The following CSMD3 variants were observed in gnomAD, a reference collection of about 807,000 sequenced individuals.
CSMD3 encodes the protein CUB and Sushi multiple domains 3.
In CSMD3, 177 loss-of-function variants were observed where a neutral mutation model predicts 435.2. The ratio of observed to expected loss-of-function variants is 0.41; its 90% CI spans 0.36 to 0.46. CSMD3 has a LOEUF of 0.46. CSMD3 is among the 20% of genes least tolerant of loss of function. The probability of loss-of-function intolerance (pLI) is 0.34; values close to 1 mark genes in which losing one functional copy is unlikely to be tolerated. For missense variants in CSMD3, 4,265 were observed against 4,504.6 expected (o/e 0.95, Z 1.52); for synonymous variants, 1,656 against 1,520.5 (o/e 1.09, Z -2.07).
chr8:112,239,341 G>A (rs138274925), intron 66 of CSMD3, among the ~76,000 whole-genome samples: 3 of 152,118 alleles, frequency 2.0e-5, no homozygotes, highest in Admixed American at 2.0e-4. Context: ...TTACTACAAT[G>A]TTGAATTTGA....
intron 1 of CSMD3, among the ~76,000 whole-genome samples, chr8:113,359,492 A>T (rs922775959): frequency 6.6e-6 from 1 of 152,204 alleles, no homozygotes; most frequent in African/African-American, 2.4e-5. Context: ...CTAAGATGGA[A>T]TGGGAAATGG....
intron 58 of CSMD3, among the ~76,000 whole-genome samples, chr8:112,283,851 A>AAC (rs1454537859): frequency 5.3e-5 from 8 of 151,846 alleles, no homozygotes; most frequent in African/African-American, 1.9e-4. Flanking sequence ...GACTGTAATT[A>AAC]ACAACAGTGT....
At chr8:112,818,517 A>G (rs917250238) in intron 12 of CSMD3, among the ~76,000 whole-genome samples, 7 of 152,230 alleles carry the variant, frequency 4.6e-5, no homozygotes, top group Non-Finnish European at 1.0e-4. Flanking sequence ...ATTGCTGAAT[A>G]AAATGTCTAA....
At position 112,301,915 on chromosome 8, in the gene CSMD3, G is replaced by A. The variant is rs757427870; in HGVS notation, c.8318C>T (p.Thr2773Ile). The A allele has an allele frequency of 6.2e-7, 1 of 1,612,556 alleles. No individual in the cohort carries two copies. Among genetic ancestry groups the A allele is most frequent in the Non-Finnish European group, 8.5e-7 (1 of 1,178,658 alleles). ...PTPPNGNKIGTQTSYGSTAIF... is the reference protein window; with the variant it reads ...PTPPNGNKIGIQTSYGSTAIF... ...AGCTGTTGAGCCATATGAAGTTTGAGTTCCAATCTTATTTCCATTTGGAGG... is the reference window on the plus strand; with the variant it reads ...AGCTGTTGAGCCATATGAAGTTTGAATTCCAATCTTATTTCCATTTGGAGG... Residue 2773 changes from threonine (T) to isoleucine (I), a missense_variant, in exon 53 of 71, where the codon ACT becomes ATT. Thr to Ile is a moderately conservative substitution (Grantham distance 89). Coordinates refer to ENST00000297405, the MANE Select transcript of CSMD3 (RefSeq NM_198123.2).
At chr8:112,561,454 AGT>A (rs1461745657) in intron 24 of CSMD3, among the ~76,000 whole-genome samples, 4 of 151,626 alleles carry the variant, frequency 2.6e-5, no homozygotes, top group African/African-American at 9.7e-5. Flanking sequence ...TATATTTGTA[AGT>A]TATTTGAAAT....
At chr8:112,982,750 TGAGGA>T (rs1564176400) in intron 6 of CSMD3, among the ~76,000 whole-genome samples, 1 of 151,996 alleles carries the variant, frequency 6.6e-6, no homozygotes, top group Non-Finnish European at 1.5e-5. Context: ...GATATATATG[TGAGGA>T]GAGAATAAAT....
intron 22 of CSMD3, among the ~76,000 whole-genome samples, chr8:112,612,709 C>CTTTTTTTTTTTTT (rs532290154): frequency 1.2e-4 from 8 of 65,888 alleles, no homozygotes; most frequent in Admixed American, 2.3e-4. Flanking sequence ...TTTCTTTGTT[C>CTTTTTTTTTTTTT]TTTTTTTTTT....
At chr8:113,187,040 G>A (rs2092514097) in intron 3 of CSMD3, among the ~76,000 whole-genome samples, 1 of 151,890 alleles carries the variant, frequency 6.6e-6, no homozygotes, top group Non-Finnish European at 1.5e-5. Flanking sequence ...TGTTTAGGGG[G>A]ATATCAGTTA....
At chr8:112,434,823 C>T (rs1814138161) in intron 32 of CSMD3, among the ~76,000 whole-genome samples, 1 of 152,094 alleles carries the variant, frequency 6.6e-6, no homozygotes, top group African/African-American at 2.4e-5. Context: ...ACACACAAAA[C>T]TTGTATCCAT....
chr8:112,295,791 A>G lies in CSMD3; in HGVS notation c.8614+42T>C, dbSNP rs370842407. 1.2e-4 allele frequency: 192 copies of G among 1,570,370 alleles called. No individual in the cohort carries two copies. In the African/African-American group the frequency reaches 2.2e-3, roughly 18 times the overall value. On this transcript the variant is annotated intron_variant, in intron 54 of 70. Coordinates refer to ENST00000297405, the MANE Select transcript of CSMD3 (RefSeq NM_198123.2). Reference sequence around the variant, plus strand: ...GCCTAACAAAAACTAGAATTATTCCAAAGATCAGAGGTCTCTAATTGCTTT... The same window carrying G: ...GCCTAACAAAAACTAGAATTATTCCGAAGATCAGAGGTCTCTAATTGCTTT...
At chr8:113,207,309 T>C (rs1258606775) in intron 3 of CSMD3, among the ~76,000 whole-genome samples, 1 of 150,690 alleles carries the variant, frequency 6.6e-6, no homozygotes, top group African/African-American at 2.4e-5. Context: ...TATTAAAAAA[T>C]TATTTTCAAC....
intron 13 of CSMD3, among the ~76,000 whole-genome samples, chr8:112,720,664 G>A (rs2076838128): frequency 6.6e-6 from 1 of 152,072 alleles, no homozygotes; most frequent in African/African-American, 2.4e-5. Flanking sequence ...TGACTGATTG[G>A]CTCAACAATC....
rs542805412 is a variant in CSMD3 at position 112,385,666 on chromosome 8, G to A, written c.5935-2003C>T. Among the ~76,000 whole-genome samples the A allele has an allele frequency of 8.5e-5, 13 of 152,290 alleles. 1 individual carries two copies. The highest frequency in any genetic ancestry group is 1.4e-4 in the African/African-American group (6 of 41,562). On this transcript the variant is annotated intron_variant, in intron 36 of 70. Coordinates refer to ENST00000297405, the MANE Select transcript of CSMD3 (RefSeq NM_198123.2). ...GAGTAGTAAAAATGGGAACCCAGAC[G>A]TCACATGTGTTGCTGTAGAGGAAGT...
chr8:112,881,919 A>G (rs1025003731), intron 10 of CSMD3, among the ~76,000 whole-genome samples: 2 of 151,964 alleles, frequency 1.3e-5, no homozygotes, highest in African/African-American at 4.8e-5. Context: ...TTTAAAAAAT[A>G]TTATTGATTA....
intron 54 of CSMD3, 116 bp from the exon 55 acceptor site, chr8:112,292,826 C>T: frequency 1.1e-6 from 1 of 890,634 alleles, no homozygotes; most frequent in East Asian, 2.6e-5. Context: ...AAGAAGACTA[C>T]TTTTTATCTG....
chr8:113,370,711 T>C (rs77365945), intron 1 of CSMD3, among the ~76,000 whole-genome samples: 4 of 152,146 alleles, frequency 2.6e-5, no homozygotes, highest in African/African-American at 7.2e-5. Context: ...ATTTTACTTC[T>C]CTGGCAATAA....
intron 23 of CSMD3, among the ~76,000 whole-genome samples, chr8:112,581,724 G>T (rs149474232): frequency 6.6e-6 from 1 of 152,010 alleles, no homozygotes; most frequent in Admixed American, 6.6e-5. Context: ...TATAGCATGC[G>T]TTCTATTGGA....
chr8:113,372,102 C>G (rs2094349066), intron 1 of CSMD3, among the ~76,000 whole-genome samples: 2 of 152,118 alleles, frequency 1.3e-5, no homozygotes, highest in Admixed American at 1.3e-4. Context: ...TGTGACTCTG[C>G]AAGGCCAGGT....
At chr8:113,161,677 A>T (rs2092042382) in intron 4 of CSMD3, among the ~76,000 whole-genome samples, 1 of 152,092 alleles carries the variant, frequency 6.6e-6, no homozygotes, top group Non-Finnish European at 1.5e-5. Flanking sequence ...ATAAGAACAT[A>T]TTTACTGTCT....
Sources: allele counts gnomAD v4.1 joint callset (sites outside exome capture counted in the v4.1 genomes callset), GRCh38; gene constraint gnomAD v4.1.1; transcripts MANE v1.5; gene names NCBI Gene and HGNC (gene_info 2026-07-23, HGNC 2026-07-21).